Variants in ACACA observed in about 807,000 individuals in gnomAD.
The protein encoded by ACACA is acetyl-CoA carboxylase alpha.
ACACA carries 103 observed loss-of-function variants against 296.1 expected under a neutral mutation model. The observed-to-expected ratio is 0.35, with a 90% CI of 0.30 to 0.41. ACACA has a LOEUF of 0.41. ACACA is among the 10% of genes least tolerant of loss of function. ACACA has a pLI of 1.00. For synonymous variants in ACACA, 953 were observed against 1,038.6 expected (o/e 0.92, Z 1.58); for missense variants, 1,554 against 2,989.7 (o/e 0.52, Z 11.20).
intron 30 of ACACA, among the ~76,000 whole-genome samples, chr17:37,208,760 G>C (rs989201398): frequency 1.3e-5 from 2 of 152,174 alleles, no homozygotes; most frequent in African/African-American, 4.8e-5. Flanking sequence ...TGCTCAATCA[G>C]GACAGCCTGT....
chr17:37,115,501 T>C (rs1028557116), intron 50 of ACACA, among the ~76,000 whole-genome samples: 22 of 151,990 alleles, frequency 1.4e-4, no homozygotes, highest in Non-Finnish European at 2.9e-4. Context: ...TCATTCTACC[T>C]GAAAAAGAAA....
intron 30 of ACACA, among the ~76,000 whole-genome samples, chr17:37,208,432 G>A (rs569359000): frequency 2.0e-5 from 3 of 152,310 alleles, no homozygotes; most frequent in South Asian, 4.1e-4. Context: ...GGTAGGCATA[G>A]TTATTGGGGT....
chr17:37,371,366 C>T (rs924967130), intron 1 of ACACA, among the ~76,000 whole-genome samples: 5 of 151,712 alleles, frequency 3.3e-5, no homozygotes, highest in Non-Finnish European at 2.9e-5. Flanking sequence ...GCATGAGCCA[C>T]GACGCCCGGC....
chr17:37,257,465 T>C (rs1156608661), intron 14 of ACACA, among the ~76,000 whole-genome samples: 2 of 152,186 alleles, frequency 1.3e-5, no homozygotes, highest in Admixed American at 6.5e-5. Flanking sequence ...TCAAAAATAT[T>C]TGAAAGGAAA....
intron 3 of ACACA, among the ~76,000 whole-genome samples, chr17:37,327,555 T>C (rs2047678291): frequency 1.3e-5 from 2 of 152,174 alleles, no homozygotes; most frequent in Non-Finnish European, 2.9e-5. Flanking sequence ...CACATAGACT[T>C]TGCATAAGAA....
chr17:37,181,201 C>G lies in ACACA; in HGVS notation c.4932G>C (p.Gln1644His). ...CAGACCCTCCAGTTAGGCATCTTAC[C>G]TGCCGAAACATCTCTGGGATATCAT... ...YIYDIPEMFR[Q>H]SLIKLWESMS... Residue 1644 changes from glutamine to histidine, a missense_variant and splice_region_variant, in exon 40 of 56, where the codon CAG (glutamine) becomes CAC (histidine). Coordinates refer to ENST00000616317, the MANE Select transcript of ACACA (RefSeq NM_198834.3). 1 of 1,614,106 alleles carries G rather than the reference C, an allele frequency of 6.2e-7. No homozygotes were observed. Among genetic ancestry groups the G allele is most frequent in the Non-Finnish European group, 8.5e-7 (1 of 1,179,984 alleles).
At chr17:37,197,615 T>C (rs1034050826) in intron 35 of ACACA, among the ~76,000 whole-genome samples, 9 of 152,176 alleles carry the variant, frequency 5.9e-5, no homozygotes, top group African/African-American at 2.2e-4. Flanking sequence ...TTCATGAATG[T>C]CAAGCTACCA....
chr17:37,372,282 G>A (rs1450808856), intron 1 of ACACA, among the ~76,000 whole-genome samples: 16 of 151,892 alleles, frequency 1.1e-4, no homozygotes, highest in Non-Finnish European at 1.6e-4. Flanking sequence ...GCGTGGTGGC[G>A]GGCACCTGTA....
At chr17:37,232,208 C>A (rs558961293) in intron 25 of ACACA, among the ~76,000 whole-genome samples, 1 of 152,152 alleles carries the variant, frequency 6.6e-6, no homozygotes, top group African/African-American at 2.4e-5. Flanking sequence ...ACCTCCCTCC[C>A]TGTAGGTTCA....
intron 41 of ACACA, among the ~76,000 whole-genome samples, chr17:37,178,765 C>T (rs976480304): frequency 6.6e-6 from 1 of 152,094 alleles, no homozygotes; most frequent in Non-Finnish European, 1.5e-5. Context: ...TGAGCCACTG[C>T]ACTCCAGCCT....
chr17:37,187,148 ACTCT>A (rs1017088725), intron 39 of ACACA, among the ~76,000 whole-genome samples: 5 of 151,722 alleles, frequency 3.3e-5, no homozygotes, highest in Non-Finnish European at 7.4e-5. Context: ...GCTCTTGCGC[ACTCT>A]CTCTCTCTGT....
chr17:37,161,721 C>T, intron 42 of ACACA, 60 bp downstream of exon 42: 1 of 1,588,976 alleles, frequency 6.3e-7, no homozygotes, highest in South Asian at 1.1e-5. Flanking sequence ...TCCCCCACCT[C>T]TCCACACATG....
At chr17:37,325,852 G>A (rs549246583) in intron 3 of ACACA, among the ~76,000 whole-genome samples, 2 of 151,874 alleles carry the variant, frequency 1.3e-5, no homozygotes, top group East Asian at 3.9e-4. Context: ...GGGATTGCAG[G>A]CGTGAGCCAC....
Position 37,151,212 on chromosome 17 carries a change from T to A in ACACA, c.5568+89A>T, listed in dbSNP as rs147302716. 7.7e-4 allele frequency: 1,115 copies of A among 1,449,320 alleles called. 5 individuals are homozygous for A. The African/African-American group carries it at 0.012, about 15-fold the overall frequency. 89.8% of individuals were successfully genotyped at this position (1,449,320 alleles called of 1,614,324 possible). ...ATACAATCTTCAAGAAATGCTCTCA[T>A]TTGGGACTGAATAGCAGTGATAAGA... On this transcript the variant is annotated intron_variant, in intron 44 of 55. Coordinates refer to ENST00000616317, the MANE Select transcript of ACACA (RefSeq NM_198834.3).
At chr17:37,222,324 G>A (rs921097296) in intron 28 of ACACA, among the ~76,000 whole-genome samples, 1 of 151,988 alleles carries the variant, frequency 6.6e-6, no homozygotes, top group Non-Finnish European at 1.5e-5. Flanking sequence ...CGTCCTCCCC[G>A]ACTTCCCCAC....
chr17:37,400,770 C>A (rs1337293492), intron 1 of ACACA, among the ~76,000 whole-genome samples: 1 of 151,132 alleles, frequency 6.6e-6, no homozygotes, highest in African/African-American at 2.4e-5. Flanking sequence ...GTATCTATAT[C>A]TCACATTTTC....
rs1016790785 is a variant in ACACA, at chr17:37,163,377, T to C, written c.5080-1327A>G. On this transcript the variant is annotated intron_variant, in intron 41 of 55. Coordinates refer to ENST00000616317, the MANE Select transcript of ACACA (RefSeq NM_198834.3). Reference sequence around the variant, plus strand: ...GCCCAACAGATGCAGTTGCCATGCTTATAGAGCCTGCAGAACCATGATCCA... The same window carrying C: ...GCCCAACAGATGCAGTTGCCATGCTCATAGAGCCTGCAGAACCATGATCCA... Among the ~76,000 whole-genome samples, 5 of 152,112 alleles carry C rather than the reference T, an allele frequency of 3.3e-5. No homozygotes were observed. In the East Asian group the frequency reaches 9.7e-4, roughly 29 times the overall value.
intron 54 of ACACA, among the ~76,000 whole-genome samples, chr17:37,092,831 C>T (rs1460712397): frequency 6.6e-6 from 1 of 152,204 alleles, no homozygotes; most frequent in Non-Finnish European, 1.5e-5. Context: ...GCATACAAAT[C>T]CTAAGGTACA....
In ACACA at chr17:37,226,330, T is replaced by C. The variant is rs2145725021; in HGVS notation, c.3360+9A>G. 1.2e-6 allele frequency: 2 copies of C among 1,607,764 alleles called. No individual in the cohort carries two copies. Among genetic ancestry groups the C allele is most frequent in the Non-Finnish European group, 1.7e-6 (2 of 1,174,154 alleles). ...TCCCTCCTTTAAGAAAACCAACAAA[T>C]GTCCTTACCTGGCGTGCTCGAAGTG... On this transcript the variant is annotated intron_variant, in intron 26 of 55. Transcript: ENST00000616317.
Sources: gnomAD v4.1 joint callset for allele counts (sites outside exome capture counted in the v4.1 genomes callset) on GRCh38, gnomAD v4.1.1 for gene constraint, MANE v1.5 for transcripts, NCBI Gene and HGNC (gene_info 2026-07-23, HGNC 2026-07-21) for gene names.